Variants in MSRA observed in about 807,000 individuals in gnomAD.
MSRA encodes the protein mitochondrial peptide methionine sulfoxide reductase.
MSRA carries 54 observed loss-of-function variants against 31.3 expected under a neutral mutation model. That is an observed-to-expected ratio of 1.73 (90% CI 1.39 to 2.17). MSRA has a LOEUF of 2.17. Among genes scored for constraint, MSRA ranks in the 30% most tolerant of loss-of-function variants. MSRA has a pLI of 0.00. For missense variants in MSRA, 507 were observed against 300.9 expected (o/e 1.69, Z -5.07); for synonymous variants, 169 against 116.5 (o/e 1.45, Z -2.90).
At chr8:10,235,672 C>T (rs1811876127) in intron 2 of MSRA, among the ~76,000 whole-genome samples, 1 of 152,070 alleles carries the variant, frequency 6.6e-6, no homozygotes, top group Admixed American at 6.5e-5. Context: ...CAAAGCATCC[C>T]CTAATGATTC....
At chr8:10,180,331 T>G (rs914750722) in intron 1 of MSRA, among the ~76,000 whole-genome samples, 1 of 152,202 alleles carries the variant, frequency 6.6e-6, no homozygotes, top group Admixed American at 6.5e-5. Context: ...GTGCAGAGCT[T>G]CCAGGCCCTT....
chr8:10,092,707 G>C (rs142105785), intron 1 of MSRA, among the ~76,000 whole-genome samples: 77 of 152,088 alleles, frequency 5.1e-4, no homozygotes, highest in Middle Eastern at 3.4e-3. Flanking sequence ...GGTACTAGTT[G>C]ATTTATAGTG....
intron 1 of MSRA, among the ~76,000 whole-genome samples, chr8:10,168,029 C>G (rs1805291978): frequency 6.6e-6 from 1 of 152,178 alleles, no homozygotes; most frequent in Admixed American, 6.5e-5. Flanking sequence ...AGTAGGGATT[C>G]TGGAACCCAA....
At chr8:10,408,799 G>GT (rs765806894) in intron 5 of MSRA, among the ~76,000 whole-genome samples, 6 of 115,754 alleles carry the variant, frequency 5.2e-5, no homozygotes, top group Non-Finnish European at 8.1e-5. Context: ...GCTCCCATCC[G>GT]TAAGATAGAA....
At chr8:10,106,304 TC>T (rs1799877404) in intron 1 of MSRA, among the ~76,000 whole-genome samples, 1 of 152,180 alleles carries the variant, frequency 6.6e-6, no homozygotes, top group Admixed American at 6.5e-5. Context: ...GGAGTGAGCC[TC>T]CCTTCAGCAT....
chr8:10,285,620 G>A (rs1375461783), intron 3 of MSRA, among the ~76,000 whole-genome samples: 1 of 151,812 alleles, frequency 6.6e-6, no homozygotes, highest in Non-Finnish European at 1.5e-5. Flanking sequence ...TTTTGTACCT[G>A]TTAACCAGTC....
At chr8:10,260,479 G>C (rs1481399294) in intron 3 of MSRA, among the ~76,000 whole-genome samples, 1 of 152,204 alleles carries the variant, frequency 6.6e-6, no homozygotes, top group African/African-American at 2.4e-5. Flanking sequence ...AAGCGAGGCA[G>C]CACGCAGAGT....
At chr8:10,351,074 G>A (rs1239966331) in intron 5 of MSRA, among the ~76,000 whole-genome samples, 2 of 152,198 alleles carry the variant, frequency 1.3e-5, no homozygotes, top group African/African-American at 4.8e-5. Flanking sequence ...GCAGCAGAAT[G>A]CTGTGAGTCA....
intron 2 of MSRA, among the ~76,000 whole-genome samples, chr8:10,213,993 A>C (rs1241862154): frequency 1.3e-5 from 2 of 152,116 alleles, no homozygotes; most frequent in African/African-American, 4.8e-5. Context: ...ACCTCTGCAA[A>C]TTCTTTGGGT....
chr8:10,100,953 A>T (rs1306390089), intron 1 of MSRA, among the ~76,000 whole-genome samples: 2 of 152,116 alleles, frequency 1.3e-5, no homozygotes, highest in Non-Finnish European at 2.9e-5. Context: ...TTGTCTATCA[A>T]TGTCATTTAT....
chr8:10,091,962 T>C (rs1585127461), intron 1 of MSRA, among the ~76,000 whole-genome samples: 1 of 152,146 alleles, frequency 6.6e-6, no homozygotes, highest in African/African-American at 2.4e-5. Flanking sequence ...ATAATGGCTG[T>C]ATTAATTCAT....
chr8:10,143,695 C>T (rs775088465), intron 1 of MSRA, among the ~76,000 whole-genome samples: 1 of 152,256 alleles, frequency 6.6e-6, no homozygotes, highest in Admixed American at 6.5e-5. Context: ...ACCCTCATGA[C>T]AGAATTCCAA....
rs759441175 is a variant in MSRA at position 10,319,931 on chromosome 8, A to G, written c.485A>G (p.Tyr162Cys). 7 of 1,601,804 alleles carry G rather than the reference A, an allele frequency of 4.4e-6. No individual in the cohort carries two copies. The highest frequency in any genetic ancestry group is 6.0e-6 in the Non-Finnish European group (7 of 1,174,488). ...DHGTQYRSAIYPTSAKQMEAA... is the reference protein window; with the variant it reads ...DHGTQYRSAICPTSAKQMEAA... ...GGCACTCAGTACCGCTCGGCCATCT[A>G]CCCGACCTCTGCCAAGCAAATGGAG... is the stretch of plus-strand genomic sequence containing the variant. The change falls in exon 5 of 6, where the codon TAC (tyrosine) becomes TGC (cysteine). Residue 162 changes from tyrosine (Y) to cysteine (C), a missense_variant. Coordinates refer to ENST00000317173, the MANE Select transcript of MSRA (RefSeq NM_012331.5).
intron 2 of MSRA, among the ~76,000 whole-genome samples, chr8:10,219,929 G>T (rs1284940904): frequency 6.7e-6 from 1 of 150,308 alleles, no homozygotes; most frequent in Non-Finnish European, 1.5e-5. Flanking sequence ...AACAGTGCCA[G>T]TTCTTTTTTT....
intron 1 of MSRA, among the ~76,000 whole-genome samples, chr8:10,100,020 A>T (rs554757534): frequency 2.4e-4 from 36 of 152,296 alleles, no homozygotes; most frequent in African/African-American, 8.4e-4. Flanking sequence ...TGGTGAGGGC[A>T]GTTGTGCAGA....
intron 5 of MSRA, among the ~76,000 whole-genome samples, chr8:10,359,475 A>G (rs940246995): frequency 2.6e-5 from 4 of 152,108 alleles, no homozygotes; most frequent in African/African-American, 9.7e-5. Flanking sequence ...AATATGCTGC[A>G]TATTTTATAG....
chr8:10,152,378 A>G (rs543062855), intron 1 of MSRA, among the ~76,000 whole-genome samples: 20 of 152,310 alleles, frequency 1.3e-4, no homozygotes, highest in African/African-American at 4.8e-4. Flanking sequence ...TGTGTAATAA[A>G]GAGGTATTTT....
chr8:10,224,076 A>G (rs1311092777), intron 2 of MSRA, among the ~76,000 whole-genome samples: 1 of 152,166 alleles, frequency 6.6e-6, no homozygotes, highest in Non-Finnish European at 1.5e-5. Context: ...CTCTTTGGCA[A>G]GGCAGGTCTA....
At chr8:10,325,221 A>G (rs1802292548) in intron 5 of MSRA, among the ~76,000 whole-genome samples, 1 of 152,180 alleles carries the variant, frequency 6.6e-6, no homozygotes, top group African/African-American at 2.4e-5. Flanking sequence ...GGCACCTCTG[A>G]TAGAGGTGAG....
Sources: gnomAD v4.1 joint callset for allele counts (sites outside exome capture counted in the v4.1 genomes callset) on GRCh38, gnomAD v4.1.1 for gene constraint, MANE v1.5 for transcripts, NCBI Gene and HGNC (gene_info 2026-07-23, HGNC 2026-07-21) for gene names.